XPNPEP3: variants seen among roughly 807,000 people sequenced by gnomAD.
The protein encoded by XPNPEP3 is X-prolyl aminopeptidase 3, also known as xaa-Pro aminopeptidase 3.
Under a neutral mutation model 60.0 loss-of-function variants are expected in XPNPEP3, and 41 were observed. The ratio of observed to expected loss-of-function variants is 0.68; its 90% CI spans 0.53 to 0.89. The LOEUF (loss-of-function observed/expected upper bound fraction) is 0.89, where lower values mean the gene tolerates loss of function less well. Among genes scored for constraint, XPNPEP3 ranks in the 40% least tolerant of loss-of-function variants. The pLI is 0.00. For synonymous variants in XPNPEP3, 212 were observed against 223.2 expected, an observed-to-expected ratio of 0.95 and a Z score of 0.45; for missense variants, 598 against 638.9, an observed-to-expected ratio of 0.94 and a Z score of 0.69.
chr22:40,866,085 G>GT (rs1436937105), intron 1 of XPNPEP3, among the ~76,000 whole-genome samples: 1 of 152,114 alleles, frequency 6.6e-6, no homozygotes, highest in African/African-American at 2.4e-5. Context: ...CCTGTTGCAT[G>GT]TAGTGGTACA....
In XPNPEP3 at chr22:40,929,827, A is replaced by T. The variant is rs1000724304; in HGVS notation, c.*3392A>T. 6.6e-5 allele frequency: 10 copies of T among 152,176 alleles called. No individual in the cohort carries two copies. Among genetic ancestry groups the T allele is most frequent in the Non-Finnish European group, 8.8e-5 (6 of 68,044 alleles). The allele number at this position is 152,176 out of a possible 1,614,324, so 9.4% of individuals were successfully genotyped here. A position where few individuals can be genotyped will look rare whatever the true frequency, so the allele number is the denominator to read the frequency against. ...TCATTCTCAGCCATGCCGCAGACATACCCATTTCCCTTTAGTAATTTTTTA... is the reference window on the plus strand; with the variant it reads ...TCATTCTCAGCCATGCCGCAGACATTCCCATTTCCCTTTAGTAATTTTTTA... On this transcript the variant is annotated 3_prime_UTR_variant, in exon 10 of 10. Transcript: ENST00000357137.
chr22:40,906,372 G>T (rs1047661701), intron 4 of XPNPEP3, among the ~76,000 whole-genome samples: 7 of 149,884 alleles, frequency 4.7e-5, no homozygotes, highest in Non-Finnish European at 1.0e-4. Context: ...AGTGAGTTCT[G>T]ATCACTCCAC....
rs1206302611 is a variant in XPNPEP3, at chr22:40,927,136, A to G, written c.*701A>G. On this transcript the variant is annotated 3_prime_UTR_variant, in exon 10 of 10. Transcript: ENST00000357137. ...GAAAGTGTTTAGATTCTTGATAAAG[A>G]TGGAAATGGAAGAGAAAGAAAATTA... 1 of 153,682 alleles carries G rather than the reference A, an allele frequency of 6.5e-6. No individual in the cohort carries two copies. The highest frequency in any genetic ancestry group is 1.4e-5 in the Non-Finnish European group (1 of 69,122). 9.5% of individuals were successfully genotyped at this position (153,682 alleles called of 1,614,324 possible). A position where few individuals can be genotyped will look rare whatever the true frequency, so the allele number is the denominator to read the frequency against.
Position 40,927,736 on chromosome 22 carries a change from G to T in XPNPEP3, c.*1301G>T, listed in dbSNP as rs185173339. 1 of 151,798 alleles carries T rather than the reference G, an allele frequency of 6.6e-6. No homozygotes were observed. Among genetic ancestry groups the T allele is most frequent in the Non-Finnish European group, 1.5e-5 (1 of 68,008 alleles). The allele number at this position is 151,798 out of a possible 1,614,324, so 9.4% of individuals were successfully genotyped here. ...AAAATACAAAAAAAATTAGCTGGGC[G>T]TGGTGGCGGATGCCTGTAGTCCCAG... is the stretch of plus-strand genomic sequence containing the variant. On this transcript the variant is annotated 3_prime_UTR_variant, in exon 10 of 10. Coordinates refer to ENST00000357137, the MANE Select transcript of XPNPEP3 (RefSeq NM_022098.4).
At chr22:40,910,176 A>G (rs1196285401) in intron 6 of XPNPEP3, among the ~76,000 whole-genome samples, 1 of 152,012 alleles carries the variant, frequency 6.6e-6, no homozygotes, top group African/African-American at 2.4e-5. Context: ...CAAGCAGTCG[A>G]TTTTAGAGCT....
At chr22:40,870,216 A>T (rs1248295489) in intron 2 of XPNPEP3, 1 of 299,182 alleles carries the variant, frequency 3.3e-6, no homozygotes, top group South Asian at 2.6e-5. Context: ...GACTCGAGTT[A>T]TTTTTTTAAG....
In XPNPEP3 at chr22:40,926,427, G is replaced by C. The variant is rs139592817; in HGVS notation, c.1516G>C (p.Ala506Pro). 2 of 1,614,076 alleles carry C rather than the reference G, an allele frequency of 1.2e-6. No individual in the cohort carries two copies. The highest frequency in any genetic ancestry group is 1.7e-6 in the Non-Finnish European group (2 of 1,180,048). ...TGACATTGAACAGATATGCAGCCAG[G>C]CTTCTTGACCTTCACTGCGGCCCAC... is the stretch of plus-strand genomic sequence containing the variant. ...MNDIEQICSQAS is the reference protein window; with the variant it reads ...MNDIEQICSQPS Residue 506 changes from alanine (A) to proline (P), a missense_variant, in exon 10 of 10, where the codon GCT becomes CCT. Physicochemically the swap from Ala to Pro is conservative, Grantham distance 27. Transcript: ENST00000357137.
Position 40,869,007 on chromosome 22 carries a change from T to C in XPNPEP3, c.73T>C (p.Leu25=). The change falls in exon 2 of 10, where the codon TTG becomes CTG. Residue 25 remains leucine (L), a synonymous_variant. Transcript: ENST00000357137. ...ANVRGLSGCM[L]CSQRRYSLQP... ...CTTTATTCTTCATTCAGGATGTATGTTGTGTTCACAGCGAAGGTACTCCCT... is the reference window on the plus strand; with the variant it reads ...CTTTATTCTTCATTCAGGATGTATGCTGTGTTCACAGCGAAGGTACTCCCT... 1.9e-6 allele frequency: 3 copies of C among 1,613,422 alleles called. No homozygotes were observed. The highest frequency in any genetic ancestry group is 1.7e-6 in the Non-Finnish European group (2 of 1,179,322).
At chr22:40,912,742 C>T (rs1159745302) in intron 6 of XPNPEP3, among the ~76,000 whole-genome samples, 10 of 151,954 alleles carry the variant, frequency 6.6e-5, no homozygotes, top group South Asian at 2.1e-4. Context: ...TTGTAGCGTG[C>T]GCCTGTAGTC....
intron 6 of XPNPEP3, among the ~76,000 whole-genome samples, chr22:40,912,141 TAATA>T (rs1245720033): frequency 2.0e-5 from 3 of 152,324 alleles, no homozygotes; most frequent in East Asian, 3.9e-4. Flanking sequence ...TAAATGAATT[TAATA>T]AATATTATAA....
chr22:40,888,701 TC>T (rs1000702367), intron 4 of XPNPEP3, among the ~76,000 whole-genome samples: 79 of 152,092 alleles, frequency 5.2e-4, no homozygotes, highest in Admixed American at 1.4e-3. Context: ...TATCTTGTGT[TC>T]AAGTCTCTTT....
chr22:40,874,010 A>G (rs1339439556), intron 2 of XPNPEP3, among the ~76,000 whole-genome samples: 1 of 152,140 alleles, frequency 6.6e-6, no homozygotes, highest in Non-Finnish European at 1.5e-5. Context: ...CAAGGGATGC[A>G]TTTTATTTTT....
chr22:40,866,701 T>C (rs918580140), intron 1 of XPNPEP3, among the ~76,000 whole-genome samples: 3 of 152,212 alleles, frequency 2.0e-5, no homozygotes, highest in Admixed American at 1.3e-4. Context: ...CCAGCTTTGC[T>C]ACTAATTATA....
In XPNPEP3 at chr22:40,930,079, A is replaced by T. The variant is rs1476167862; in HGVS notation, c.*3644A>T. 6.6e-6 allele frequency: 1 copy of T among 151,786 alleles called. No individual in the cohort carries two copies. Among genetic ancestry groups the T allele is most frequent in the Non-Finnish European group, 1.5e-5 (1 of 67,996 alleles). 9.4% of individuals were successfully genotyped at this position (151,786 alleles called of 1,614,324 possible). On this transcript the variant is annotated 3_prime_UTR_variant, in exon 10 of 10. Transcript: ENST00000357137. ...TAAGATAAATTCAGAGTTTTAAGGT[A>T]AAGGCTTTATATTAGCTTTTTTTTT...
At chr22:40,858,283 T>A (rs2057916212) in intron 1 of XPNPEP3, among the ~76,000 whole-genome samples, 1 of 151,460 alleles carries the variant, frequency 6.6e-6, no homozygotes, top group South Asian at 2.1e-4. Flanking sequence ...ATTTTTGTAA[T>A]TGTAGTAGAA....
At chr22:40,867,177 A>G (rs1187989565) in intron 1 of XPNPEP3, among the ~76,000 whole-genome samples, 1 of 152,230 alleles carries the variant, frequency 6.6e-6, no homozygotes, top group African/African-American at 2.4e-5. Flanking sequence ...TGAGGTAGGC[A>G]TTATCATCAT....
At chr22:40,924,159 T>C (rs2058226372) in intron 8 of XPNPEP3, among the ~76,000 whole-genome samples, 2 of 152,124 alleles carry the variant, frequency 1.3e-5, no homozygotes, top group Non-Finnish European at 2.9e-5. Context: ...GAAATGTGGA[T>C]TGATGAGAAT....
intron 7 of XPNPEP3, among the ~76,000 whole-genome samples, chr22:40,918,274 T>C (rs1243878156): frequency 6.6e-6 from 1 of 152,058 alleles, no homozygotes; most frequent in East Asian, 1.9e-4. Context: ...CTTAGGATGC[T>C]GAGGTGGCAA....
rs1290349201 is a variant in XPNPEP3, at chr22:40,931,524, G to C, written c.*5089G>C. ...AGCCCAGGAGTTTGAGACCAGCCTA[G>C]GCAACATAGAGAGACCTTGTCTCAA... On this transcript the variant is annotated 3_prime_UTR_variant, in exon 10 of 10. Coordinates refer to ENST00000357137, the MANE Select transcript of XPNPEP3 (RefSeq NM_022098.4). 6.6e-6 allele frequency: 1 copy of C among 152,170 alleles called. No individual in the cohort carries two copies. The highest frequency in any genetic ancestry group is 6.6e-5 in the Admixed American group (1 of 15,254). 9.4% of individuals were successfully genotyped at this position (152,170 alleles called of 1,614,324 possible). A position where few individuals can be genotyped will look rare whatever the true frequency, so the allele number is the denominator to read the frequency against.
Sources: gnomAD v4.1 joint callset for allele counts (sites outside exome capture counted in the v4.1 genomes callset) on GRCh38, gnomAD v4.1.1 for gene constraint, MANE v1.5 for transcripts, NCBI Gene and HGNC (gene_info 2026-07-23, HGNC 2026-07-21) for gene names.